CADM1: variants seen among roughly 807,000 people sequenced by gnomAD.
The protein encoded by CADM1 is cell adhesion molecule 1, also known as TSLC-1.
In CADM1, 15 loss-of-function variants were observed where a neutral mutation model predicts 53.1. The observed-to-expected ratio is 0.28, with a 90% CI of 0.19 to 0.44. CADM1 has a LOEUF of 0.44. Ranked by LOEUF, CADM1 falls within the 20% of genes least tolerant of loss-of-function variation. CADM1 has a pLI of 1.00. For synonymous variants in CADM1, 281 were observed against 243.0 expected (o/e 1.16, Z -1.45); for missense variants, 434 against 611.3 (o/e 0.71, Z 3.06).
Position 115,178,708 on chromosome 11 carries a change from C to T in CADM1, c.1233G>A (p.Ala411=), listed in dbSNP as rs199720777. The change falls in exon 11 of 12, where the codon GCG becomes GCA. Residue 411 remains alanine, a synonymous_variant. Coordinates refer to ENST00000331581, the MANE Select transcript of CADM1 (RefSeq NM_001301043.2). Reference sequence around the variant, plus strand: ...AGCACAGCATGGCGAACACCACCACCGCCACGACGCCACCGATCACGGCAT... The same window carrying T: ...AGCACAGCATGGCGAACACCACCACTGCCACGACGCCACCGATCACGGCAT... ...VDHAVIGGVV[A]VVVFAMLCLL... 133 of 1,613,788 alleles carry T rather than the reference C, an allele frequency of 8.2e-5. No homozygotes were observed. Among genetic ancestry groups the T allele is most frequent in the South Asian group, 1.6e-4 (15 of 91,066 alleles).
chr11:115,421,940 A>G (rs946528192), intron 1 of CADM1, among the ~76,000 whole-genome samples: 18 of 152,212 alleles, frequency 1.2e-4, no homozygotes, highest in Non-Finnish European at 5.9e-5. Context: ...GGGCTTTGTC[A>G]CAGATCCGCA....
At chr11:115,390,661 G>A (rs1946813030) in intron 1 of CADM1, among the ~76,000 whole-genome samples, 2 of 147,374 alleles carry the variant, frequency 1.4e-5, no homozygotes, top group African/African-American at 5.0e-5. Context: ...CAAAAGGTTA[G>A]GCTACTCTTA....
rs1413020797 is a variant in CADM1 at position 115,175,272 on chromosome 11, A to G, written c.*1202T>C. 16 of 985,606 alleles carry G rather than the reference A, an allele frequency of 1.6e-5. No homozygotes were observed. The highest frequency in any genetic ancestry group is 6.2e-5 in the Admixed American group (1 of 16,250). 61.1% of individuals were successfully genotyped at this position (985,606 alleles called of 1,614,324 possible). ...TTGTCAAGCCAAATCTGAAGGAATG[A>G]AAGTTTCACACAGATTCGAGTTGGA... On this transcript the variant is annotated 3_prime_UTR_variant, in exon 12 of 12. Coordinates refer to ENST00000331581, the MANE Select transcript of CADM1 (RefSeq NM_001301043.2).
Position 115,238,522 on chromosome 11 carries a change from A to T in CADM1, c.402T>A (p.Ser134Arg). 1 of 1,613,808 alleles carries T rather than the reference A, an allele frequency of 6.2e-7. No homozygotes were observed. Among genetic ancestry groups the T allele is most frequent in the Non-Finnish European group, 8.5e-7 (1 of 1,179,806 alleles). ...TACCCAGGACTGTGATGGTGGTGTA[A>T]CTTTCCTGTGGGGGATCGGTATAGA... ...CQLYTDPPQE[S>R]YTTITVLVPP... Residue 134 changes from serine (S) to arginine (R), a missense_variant, in exon 3 of 12, where the codon AGT (serine) becomes AGA (arginine). By Grantham distance (110) the Ser-to-Arg change is moderately radical. Transcript: ENST00000331581.
intron 1 of CADM1, among the ~76,000 whole-genome samples, chr11:115,473,930 A>G (rs114663017): frequency 6.8e-4 from 103 of 152,280 alleles, no homozygotes; most frequent in African/African-American, 2.3e-3. Flanking sequence ...TGCAAATCAT[A>G]TATCTCATGA....
chr11:115,332,979 CTA>C (rs1945172153), intron 1 of CADM1, among the ~76,000 whole-genome samples: 1 of 152,128 alleles, frequency 6.6e-6, no homozygotes, highest in African/African-American at 2.4e-5. Context: ...ACTTCTCACT[CTA>C]TACACCCTGT....
intron 1 of CADM1, chr11:115,256,925 T>C: frequency 2.2e-6 from 1 of 455,864 alleles, no homozygotes. Context: ...GAGAATAACA[T>C]TCTGAATTTT....
At chr11:115,231,300 C>T (rs1303552650) in intron 4 of CADM1, 53 bp downstream of exon 4, 3 of 1,590,230 alleles carry the variant, frequency 1.9e-6, no homozygotes, top group South Asian at 2.2e-5. Context: ...TTCACAAAGG[C>T]ATATCTGCTA....
At chr11:115,238,697 G>C (rs377172876) in intron 2 of CADM1, 45 bp from the exon 3 acceptor site, 3 of 1,589,686 alleles carry the variant, frequency 1.9e-6, no homozygotes, top group Non-Finnish European at 2.6e-6. Context: ...AAGGTGGACG[G>C]ACAGTCTATT....
intron 1 of CADM1, among the ~76,000 whole-genome samples, chr11:115,310,406 T>A (rs531828035): frequency 3.3e-5 from 5 of 152,104 alleles, no homozygotes; most frequent in Non-Finnish European, 7.4e-5. Flanking sequence ...ATCAAGGAAT[T>A]CTTCATGCTA....
chr11:115,360,953 C>G (rs1343878718), intron 1 of CADM1, among the ~76,000 whole-genome samples: 1 of 152,200 alleles, frequency 6.6e-6, no homozygotes, highest in Non-Finnish European at 1.5e-5. Flanking sequence ...TCACTATTTA[C>G]TGACTACATA....
chr11:115,254,549 A>AACACACAC lies in CADM1; in HGVS notation c.125-14137_125-14130dup, dbSNP rs58261564. On this transcript the variant is annotated intron_variant, in intron 1 of 11. Coordinates refer to ENST00000331581, the MANE Select transcript of CADM1 (RefSeq NM_001301043.2). ...AAGTTCCTAATGCGCAAGGGAGACA[A>AACACACAC]ACACACACACACACACACACACACA... Among the ~76,000 whole-genome samples the AACACACAC allele has an allele frequency of 9.4e-4, 127 of 134,980 alleles. 2 individuals are homozygous for AACACACAC. The highest frequency in any genetic ancestry group is 2.8e-3 in the African/African-American group (101 of 36,504). The allele number at this position is 134,980 out of a possible 152,430, so 88.6% of individuals were successfully genotyped here. A position where few individuals can be genotyped will look rare whatever the true frequency, so the allele number is the denominator to read the frequency against.
chr11:115,174,356 C>T lies in CADM1; in HGVS notation c.*2118G>A. On this transcript the variant is annotated 3_prime_UTR_variant, in exon 12 of 12. Transcript: ENST00000331581. ...TTTCAACAACATGCTAAATGATTCT[C>T]ACCCTTTGATATGATTATACTATGG... The T allele has an allele frequency of 1.0e-6, 1 of 985,140 alleles. No homozygotes were observed. The highest frequency in any genetic ancestry group is 1.2e-6 in the Non-Finnish European group (1 of 829,622). 61.0% of individuals were successfully genotyped at this position (985,140 alleles called of 1,614,324 possible). A position where few individuals can be genotyped will look rare whatever the true frequency, so the allele number is the denominator to read the frequency against.
At chr11:115,196,071 A>T (rs1210294974) in intron 9 of CADM1, among the ~76,000 whole-genome samples, 2 of 152,152 alleles carry the variant, frequency 1.3e-5, no homozygotes, top group African/African-American at 4.8e-5. Flanking sequence ...ATAACATCCT[A>T]CTGAGGTTTC....
chr11:115,294,987 C>A (rs4938197), intron 1 of CADM1, among the ~76,000 whole-genome samples: 1 of 151,934 alleles, frequency 6.6e-6, no homozygotes, highest in African/African-American at 2.4e-5. Context: ...TGCAGTGAGC[C>A]GAGATCACGC....
chr11:115,431,743 C>G (rs982212459), intron 1 of CADM1, among the ~76,000 whole-genome samples: 2 of 151,942 alleles, frequency 1.3e-5, no homozygotes, highest in Admixed American at 6.6e-5. Context: ...CACACCAGCC[C>G]TTCATATCTC....
chr11:115,312,799 C>T (rs781078555), intron 1 of CADM1, among the ~76,000 whole-genome samples: 7 of 152,052 alleles, frequency 4.6e-5, no homozygotes, highest in Non-Finnish European at 8.8e-5. Flanking sequence ...CTCTGACAAC[C>T]CTTTGTTTGT....
In CADM1 at chr11:115,240,139, T is replaced by C. The variant is rs984755429; in HGVS notation, c.271+135A>G. 9 of 784,350 alleles carry C rather than the reference T, an allele frequency of 1.1e-5. No homozygotes were observed. In the East Asian group the frequency reaches 2.4e-4, roughly 21 times the overall value. The allele number at this position is 784,350 out of a possible 1,614,324, so 48.6% of individuals were successfully genotyped here. A position where few individuals can be genotyped will look rare whatever the true frequency, so the allele number is the denominator to read the frequency against. ...AGAAAGATTATGATTGCCTGTCTCT[T>C]CTTCCCTCTAAAGAACTGACTAAAC... On this transcript the variant is annotated intron_variant, in intron 2 of 11. Coordinates refer to ENST00000331581, the MANE Select transcript of CADM1 (RefSeq NM_001301043.2).
chr11:115,492,932 T>TAC (rs57800253), intron 1 of CADM1, among the ~76,000 whole-genome samples: 53,073 of 146,560 alleles, frequency 0.36, 9,876 homozygotes, highest in Non-Finnish European at 0.44. Context: ...GGATATTTTA[T>TAC]ACACACACAC....
Sources: gnomAD v4.1 joint callset for allele counts (sites outside exome capture counted in the v4.1 genomes callset) on GRCh38, gnomAD v4.1.1 for gene constraint, MANE v1.5 for transcripts, NCBI Gene and HGNC (gene_info 2026-07-23, HGNC 2026-07-21) for gene names.